SNX24: variants seen among roughly 807,000 people sequenced by gnomAD.
The protein encoded by SNX24 is sorting nexin 24.
Under a neutral mutation model 28.7 loss-of-function variants are expected in SNX24, and 22 were observed. The observed-to-expected ratio is 0.77, with a 90% confidence interval of 0.55 to 1.10. The LOEUF (loss-of-function observed/expected upper bound fraction) is 1.10. SNX24 is among the 50% of genes least tolerant of loss of function. SNX24 has a pLI of 0.00. For missense variants in SNX24, 221 were observed against 201.1 expected, an observed-to-expected ratio of 1.10 and a Z score of -0.60; for synonymous variants, 69 against 71.5, an observed-to-expected ratio of 0.96 and a Z score of 0.18.
chr5:122,872,542 C>G (rs984730236), intron 1 of SNX24, among the ~76,000 whole-genome samples: 1 of 152,122 alleles, frequency 6.6e-6, no homozygotes, highest in Non-Finnish European at 1.5e-5. Flanking sequence ...TGTGAATGCT[C>G]AGGTCCCTGA....
At chr5:122,891,316 GTTAAA>G (rs1048386834) in intron 1 of SNX24, among the ~76,000 whole-genome samples, 19 of 152,138 alleles carry the variant, frequency 1.2e-4, no homozygotes, top group African/African-American at 4.3e-4. Flanking sequence ...AAAGCTAAGT[GTTAAA>G]TTAAAAAAGC....
chr5:122,898,875 A>G (rs764205661), intron 1 of SNX24, among the ~76,000 whole-genome samples: 3 of 152,214 alleles, frequency 2.0e-5, no homozygotes, highest in Non-Finnish European at 4.4e-5. Context: ...CCGGCAGGCC[A>G]AATGTGGTTG....
chr5:122,888,891 G>T (rs916415258), intron 1 of SNX24, among the ~76,000 whole-genome samples: 1 of 152,058 alleles, frequency 6.6e-6, no homozygotes, highest in Non-Finnish European at 1.5e-5. Context: ...TCACTCTGTC[G>T]CCAAGAATGG....
chr5:123,025,680 T>C, intron 5 of SNX24: 2 of 1,202,388 alleles, frequency 1.7e-6, no homozygotes, highest in South Asian at 2.8e-5. Context: ...CAGTCAGCTA[T>C]ATAATGGATC....
intron 3 of SNX24, 73 bp from the exon 4 acceptor site, chr5:122,999,839 T>C: frequency 2.2e-6 from 2 of 905,132 alleles, no homozygotes; most frequent in Admixed American, 1.7e-5. Context: ...TTATGACTTT[T>C]TGAAATAGTT....
chr5:122,976,194 CT>C (rs1207634672), intron 3 of SNX24, among the ~76,000 whole-genome samples: 2 of 150,242 alleles, frequency 1.3e-5, no homozygotes, highest in Non-Finnish European at 3.0e-5. Context: ...TCCAGAGACA[CT>C]TTTTTTTAAT....
rs562107379 is a variant in SNX24 at position 122,902,587 on chromosome 5, T to G, written c.61-34147T>G. The stretch of plus-strand genomic sequence containing the variant: ...AGGGCCTCGATTCTCTGTACACTTA[T>G]GTTCTATGGGAGGGGATGGGGGCTC... On this transcript the variant is annotated intron_variant, in intron 1 of 6. Coordinates refer to ENST00000261369, the MANE Select transcript of SNX24 (RefSeq NM_014035.4). Among the ~76,000 whole-genome samples, 151 of 152,258 alleles carry G rather than the reference T, an allele frequency of 9.9e-4. 1 individual carries two copies. Among genetic ancestry groups the G allele is most frequent in the African/African-American group, 3.3e-3 (136 of 41,540 alleles).
chr5:122,897,658 G>A (rs1402731932), intron 1 of SNX24, among the ~76,000 whole-genome samples: 2 of 152,176 alleles, frequency 1.3e-5, no homozygotes, highest in Non-Finnish European at 2.9e-5. Context: ...ATGTGTGTGT[G>A]CACACAGATG....
rs543580421 is a variant in SNX24, at chr5:122,862,382, G to A, written c.60+16689G>A. On this transcript the variant is annotated intron_variant, in intron 1 of 6. Coordinates refer to ENST00000261369, the MANE Select transcript of SNX24 (RefSeq NM_014035.4). The stretch of plus-strand genomic sequence containing the variant: ...TGTAATCCCAGCACTTTGGGAGGCC[G>A]AGGCAGGCGGATCACGAGGTCAGGA... Among the ~76,000 whole-genome samples the A allele has an allele frequency of 1.8e-4, 27 of 152,160 alleles. 1 individual carries two copies. The South Asian group carries it at 5.4e-3, about 30-fold the overall frequency.
At chr5:122,960,683 G>A (rs950781140) in intron 3 of SNX24, among the ~76,000 whole-genome samples, 6 of 152,126 alleles carry the variant, frequency 3.9e-5, no homozygotes, top group Non-Finnish European at 7.4e-5. Flanking sequence ...CCGTAATTCA[G>A]CTGAGAGCAA....
intron 3 of SNX24, among the ~76,000 whole-genome samples, chr5:122,988,767 A>G (rs1761707579): frequency 6.6e-6 from 1 of 152,208 alleles, no homozygotes; most frequent in African/African-American, 2.4e-5. Context: ...CTCATTACCT[A>G]TATTCTTGAT....
intron 1 of SNX24, among the ~76,000 whole-genome samples, chr5:122,933,590 C>A (rs188742245): frequency 1.1e-4 from 17 of 152,270 alleles, no homozygotes; most frequent in Non-Finnish European, 2.4e-4. Flanking sequence ...TGTCCAATGT[C>A]TTGAGAGCCA....
intron 3 of SNX24, among the ~76,000 whole-genome samples, chr5:122,953,500 A>C (rs1304620222): frequency 2.0e-5 from 3 of 147,018 alleles, no homozygotes; most frequent in African/African-American, 7.7e-5. Flanking sequence ...ATTTCAGTAC[A>C]TTTGAGACAA....
At chr5:122,936,659 T>C (rs1759191286) in intron 1 of SNX24, 75 bp from the exon 2 acceptor site, 1 of 859,500 alleles carries the variant, frequency 1.2e-6, no homozygotes, top group Non-Finnish European at 1.9e-6. Context: ...AAATATATCA[T>C]GGTCACAAAC....
At chr5:122,992,743 C>T (rs1270457787) in intron 3 of SNX24, among the ~76,000 whole-genome samples, 2 of 152,202 alleles carry the variant, frequency 1.3e-5, no homozygotes, top group Non-Finnish European at 2.9e-5. Flanking sequence ...CAATGGTAAA[C>T]CCTGGGAGGA....
chr5:122,942,418 A>G (rs1424140778), intron 2 of SNX24, among the ~76,000 whole-genome samples: 2 of 152,252 alleles, frequency 1.3e-5, no homozygotes, highest in Non-Finnish European at 2.9e-5. Flanking sequence ...AGCGGTGGCA[A>G]TACAGGGGGA....
At chr5:122,887,812 C>T (rs1756783129) in intron 1 of SNX24, among the ~76,000 whole-genome samples, 1 of 152,300 alleles carries the variant, frequency 6.6e-6, no homozygotes, top group South Asian at 2.1e-4. Flanking sequence ...AAGTGATTCT[C>T]CTGCTTCAGC....
intron 1 of SNX24, among the ~76,000 whole-genome samples, chr5:122,919,702 T>C (rs565183654): frequency 3.3e-5 from 5 of 152,286 alleles, no homozygotes; most frequent in African/African-American, 1.2e-4. Flanking sequence ...GCAACACTGA[T>C]GCCTCTTATT....
chr5:122,871,506 G>C (rs978648648), intron 1 of SNX24, among the ~76,000 whole-genome samples: 1 of 152,162 alleles, frequency 6.6e-6, no homozygotes, highest in South Asian at 2.1e-4. Context: ...GGTGGCTCAC[G>C]CCTGTAATCC....
Sources: allele counts gnomAD v4.1 joint callset (sites outside exome capture counted in the v4.1 genomes callset), GRCh38; gene constraint gnomAD v4.1.1; transcripts MANE v1.5; gene names NCBI Gene and HGNC (gene_info 2026-07-23, HGNC 2026-07-21).